Variants in THSD7B observed in about 807,000 individuals in gnomAD.
THSD7B encodes the protein thrombospondin type-1 domain-containing protein 7B.
In THSD7B, 138 loss-of-function variants were observed where a neutral mutation model predicts 213.6. The ratio of observed to expected loss-of-function variants is 0.65; its 90% CI spans 0.56 to 0.74. The LOEUF (loss-of-function observed/expected upper bound fraction) is 0.74, where lower values mean the gene tolerates loss of function less well. Ranked by LOEUF, THSD7B falls within the 30% of genes least tolerant of loss-of-function variation. The pLI, the probability that THSD7B is intolerant of heterozygous loss-of-function variation, is 0.00. For missense variants in THSD7B, 1,931 were observed against 1,991.5 expected (o/e 0.97, Z 0.58); for synonymous variants, 742 against 687.0 (o/e 1.08, Z -1.25).
chr2:137,137,588 G>A (rs1679490998), intron 5 of THSD7B, among the ~76,000 whole-genome samples: 1 of 152,108 alleles, frequency 6.6e-6, no homozygotes, highest in Non-Finnish European at 1.5e-5. Flanking sequence ...CAGCCTAGGA[G>A]CAATGGGGTA....
At chr2:136,920,008 C>T (rs1681757453) in intron 2 of THSD7B, among the ~76,000 whole-genome samples, 2 of 152,242 alleles carry the variant, frequency 1.3e-5, no homozygotes, top group Non-Finnish European at 2.9e-5. Flanking sequence ...GAGGATGTCA[C>T]AGCCCTGGCT....
chr2:136,902,768 T>G (rs1421465022), intron 2 of THSD7B, among the ~76,000 whole-genome samples: 1 of 152,170 alleles, frequency 6.6e-6, no homozygotes, highest in African/African-American at 2.4e-5. Context: ...TGCAGTGATG[T>G]GTTAGAAGGC....
At chr2:137,442,968 C>T (rs1687450188) in intron 14 of THSD7B, among the ~76,000 whole-genome samples, 1 of 152,040 alleles carries the variant, frequency 6.6e-6, no homozygotes, top group Non-Finnish European at 1.5e-5. Flanking sequence ...TATTGTGTTG[C>T]AAATGCCAAG....
intron 12 of THSD7B, among the ~76,000 whole-genome samples, chr2:137,389,272 A>C (rs1414856546): frequency 6.8e-6 from 1 of 146,952 alleles, no homozygotes; most frequent in Non-Finnish European, 1.5e-5. Context: ...GCATAAGATG[A>C]TATCTCATTG....
intron 2 of THSD7B, among the ~76,000 whole-genome samples, chr2:136,969,626 A>G (rs1685373509): frequency 1.3e-5 from 2 of 152,180 alleles, no homozygotes; most frequent in African/African-American, 4.8e-5. Context: ...GAAAATAGTG[A>G]AACTATTTAA....
At chr2:137,179,624 A>AT (rs34372417) in intron 7 of THSD7B, among the ~76,000 whole-genome samples, 2 of 151,688 alleles carry the variant, frequency 1.3e-5, no homozygotes, top group African/African-American at 2.4e-5. Flanking sequence ...AAAATCAATA[A>AT]TTTTTTTTAC....
chr2:137,284,872 T>C lies in THSD7B; in HGVS notation c.2500+8846T>C, dbSNP rs1439427649. ...GGTGTGGTGCTGAAAAGAATGTATA[T>C]TCTGTTGATTTGGGGTGGAGAGTTC... is the stretch of plus-strand genomic sequence containing the variant. On this transcript the variant is annotated intron_variant, in intron 12 of 27. Transcript: ENST00000409968. 2.0e-5 allele frequency among the ~76,000 whole-genome samples: 3 copies of C among 152,132 alleles called. No homozygotes were observed. In the East Asian group the frequency reaches 5.8e-4, roughly 29 times the overall value.
chr2:137,263,720 A>G (rs1332299279), intron 10 of THSD7B, among the ~76,000 whole-genome samples: 1 of 152,188 alleles, frequency 6.6e-6, no homozygotes, highest in African/African-American at 2.4e-5. Context: ...ATTTTGAAGT[A>G]CTTCAAGGTT....
intron 2 of THSD7B, among the ~76,000 whole-genome samples, chr2:137,022,291 C>T (rs1686458997): frequency 6.6e-6 from 1 of 152,156 alleles, no homozygotes; most frequent in African/African-American, 2.4e-5. Context: ...TACCATTTTG[C>T]ATTCTCACTA....
intron 15 of THSD7B, among the ~76,000 whole-genome samples, chr2:137,535,748 T>G (rs1459430854): frequency 6.6e-6 from 1 of 151,536 alleles, no homozygotes; most frequent in Non-Finnish European, 1.5e-5. Flanking sequence ...CAGATAATGA[T>G]AGGTTATGAT....
chr2:137,272,735 T>C, intron 11 of THSD7B, 73 bp downstream of exon 11: 1 of 1,497,616 alleles, frequency 6.7e-7, no homozygotes, highest in Non-Finnish European at 9.0e-7. Context: ...ACATAACATA[T>C]GGTCGTTTGG....
At chr2:137,564,694 GA>G (rs1397865229) in intron 16 of THSD7B, among the ~76,000 whole-genome samples, 6 of 152,026 alleles carry the variant, frequency 3.9e-5, no homozygotes, top group Admixed American at 2.0e-4. Flanking sequence ...AAAGCTTTAG[GA>G]GAATAAATTG....
chr2:137,553,306 T>C (rs866174311), intron 15 of THSD7B, among the ~76,000 whole-genome samples: 2 of 152,062 alleles, frequency 1.3e-5, no homozygotes, highest in Non-Finnish European at 2.9e-5. Flanking sequence ...TTTAATGTGG[T>C]TGTTGTTAAA....
intron 20 of THSD7B, among the ~76,000 whole-genome samples, chr2:137,626,481 G>C (rs142091111): frequency 7.1e-6 from 1 of 141,254 alleles, no homozygotes; most frequent in East Asian, 2.0e-4. Context: ...AAAAAAAAAA[G>C]AAAAAGAAAA....
At position 137,045,102 on chromosome 2, in the gene THSD7B, ATTTC is replaced by A. The variant is rs1304756904; in HGVS notation, c.140-11314_140-11311del. 2.0e-5 allele frequency among the ~76,000 whole-genome samples: 3 copies of A among 152,210 alleles called. No homozygotes were observed. The East Asian group carries it at 5.8e-4, about 29-fold the overall frequency. ...AGGTGCAACAGCAAAACTAGGATGA[ATTTC>A]TTTTTCCTTCTTCATAATTTCACAG... On this transcript the variant is annotated intron_variant, in intron 2 of 27. Coordinates refer to ENST00000409968, the MANE Select transcript of THSD7B (RefSeq NM_001316349.2).
intron 17 of THSD7B, among the ~76,000 whole-genome samples, chr2:137,579,478 G>A (rs1312343913): frequency 6.6e-6 from 1 of 152,098 alleles, no homozygotes; most frequent in African/African-American, 2.4e-5. Context: ...ATAATCATGT[G>A]AGCCAATTCC....
At chr2:137,367,961 T>C (rs1031419606) in intron 12 of THSD7B, among the ~76,000 whole-genome samples, 6 of 152,198 alleles carry the variant, frequency 3.9e-5, no homozygotes, top group African/African-American at 1.4e-4. Flanking sequence ...ACTAATGGAT[T>C]TGGGGAGACA....
chr2:136,899,470 A>G (rs536593380), intron 2 of THSD7B, among the ~76,000 whole-genome samples: 8 of 152,354 alleles, frequency 5.3e-5, no homozygotes, highest in Admixed American at 2.6e-4. Flanking sequence ...CAATTGGACA[A>G]TATATTTCAG....
At chr2:136,920,445 G>T (rs1684416785) in intron 2 of THSD7B, among the ~76,000 whole-genome samples, 1 of 152,182 alleles carries the variant, frequency 6.6e-6, no homozygotes, top group East Asian at 1.9e-4. Flanking sequence ...TCATCTCAAT[G>T]AGTGAGACTG....
Sources: allele counts gnomAD v4.1 joint callset (sites outside exome capture counted in the v4.1 genomes callset), GRCh38; gene constraint gnomAD v4.1.1; transcripts MANE v1.5; gene names NCBI Gene and HGNC (gene_info 2026-07-23, HGNC 2026-07-21).